ING5: variants seen among roughly 807,000 people sequenced by gnomAD.
ING5 encodes inhibitor of growth family member 5, also known as inhibitor of growth protein 5.
ING5 carries 17 observed loss-of-function variants against 37.4 expected under a neutral mutation model. The observed-to-expected ratio is 0.45, with a 90% CI of 0.31 to 0.68. ING5 has a LOEUF of 0.68. Ranked by LOEUF, ING5 falls within the 30% of genes least tolerant of loss-of-function variation. The probability of loss-of-function intolerance (pLI) is 0.05; values close to 1 mark genes in which losing one functional copy is unlikely to be tolerated. For synonymous variants in ING5, 123 were observed against 116.6 expected, an observed-to-expected ratio of 1.06 and a Z score of -0.36; for missense variants, 233 against 311.9, an observed-to-expected ratio of 0.75 and a Z score of 1.91.
chr2:241,711,958 G>T lies in ING5; in HGVS notation c.389-20G>T. 6.4e-7 allele frequency: 1 copy of T among 1,551,576 alleles called. No individual in the cohort carries two copies. Among genetic ancestry groups the T allele is most frequent in the Non-Finnish European group, 8.7e-7 (1 of 1,150,092 alleles). On this transcript the variant is annotated intron_variant, in intron 4 of 7. Coordinates refer to ENST00000313552, the MANE Select transcript of ING5 (RefSeq NM_032329.6). ...TTAGAGAATTCTATAAAAATAATTT[G>T]CATCTTGATTATTTTTCAGAAGGCC... is the stretch of plus-strand genomic sequence containing the variant.
At chr2:241,690,717 G>A in intron 2 of ING5, 1 of 398,518 alleles carries the variant, frequency 2.5e-6, no homozygotes. Context: ...AGAGATACAG[G>A]TGAAATGGAG....
intron 3 of ING5, 36 bp downstream of exon 3, chr2:241,709,418 A>G: frequency 6.4e-7 from 1 of 1,569,846 alleles, no homozygotes; most frequent in Admixed American, 1.9e-5. Context: ...TCTTCCTCTG[A>G]CCTCTACTCC....
Position 241,725,157 on chromosome 2 carries a change from C to T in ING5, c.*126C>T, listed in dbSNP as rs1691562675. On this transcript the variant is annotated 3_prime_UTR_variant, in exon 8 of 8. Transcript: ENST00000313552. Reference sequence around the variant, plus strand: ...TTAGTAACTCCGTGGCCAGTTGAAGCGCTGGATGTTTCCTAGAACAAGAAC... The same window carrying T: ...TTAGTAACTCCGTGGCCAGTTGAAGTGCTGGATGTTTCCTAGAACAAGAAC... 4.0e-6 allele frequency: 4 copies of T among 1,000,846 alleles called. No homozygotes were observed. The highest frequency in any genetic ancestry group is 1.4e-5 in the South Asian group (1 of 72,048). The allele number at this position is 1,000,846 out of a possible 1,614,324, so 62.0% of individuals were successfully genotyped here.
At chr2:241,719,862 G>A in intron 5 of ING5, 1 of 1,397,244 alleles carries the variant, frequency 7.2e-7, no homozygotes, top group South Asian at 1.7e-5. Context: ...TGCCTGCCGT[G>A]CAGGTCCCAG....
intron 5 of ING5, chr2:241,722,102 C>T (rs1380639565): frequency 5.1e-6 from 5 of 985,120 alleles, no homozygotes; most frequent in South Asian, 4.7e-5. Context: ...TGAGTAGGTG[C>T]GTGGAGGGCC....
At chr2:241,693,623 T>A (rs2069589437) in intron 2 of ING5, among the ~76,000 whole-genome samples, 1 of 150,638 alleles carries the variant, frequency 6.6e-6, no homozygotes, top group South Asian at 2.1e-4. Flanking sequence ...CCTGTTCACA[T>A]TAGAGTTGTT....
chr2:241,720,023 A>T (rs1023342713), intron 5 of ING5: 5 of 1,245,422 alleles, frequency 4.0e-6, no homozygotes, highest in Non-Finnish European at 5.0e-6. Context: ...ACAGGCTGGT[A>T]AGGCCAGCTC....
At chr2:241,709,181 G>A (rs1225841943) in intron 2 of ING5, 35 bp from the exon 3 acceptor site, 1 of 1,590,064 alleles carries the variant, frequency 6.3e-7, no homozygotes, top group African/African-American at 1.3e-5. Flanking sequence ...ATGGTGTCTT[G>A]TGCAGGGCTA....
chr2:241,713,290 T>C (rs1489179534), intron 5 of ING5, among the ~76,000 whole-genome samples: 45 of 151,228 alleles, frequency 3.0e-4, no homozygotes, highest in African/African-American at 7.0e-4. Context: ...ACTCCTGACC[T>C]CAGGTGATCC....
chr2:241,712,128 G>A (rs1330549164), intron 5 of ING5, 57 bp downstream of exon 5: 32 of 1,355,836 alleles, frequency 2.4e-5, no homozygotes, highest in East Asian at 4.9e-5. Context: ...CCTGTATCCC[G>A]GATGTAGGAA....
chr2:241,709,615 T>G (rs1260980131), intron 3 of ING5, among the ~76,000 whole-genome samples: 1 of 151,414 alleles, frequency 6.6e-6, no homozygotes, highest in Non-Finnish European at 1.5e-5. Context: ...AGGAACCATT[T>G]GGGTTTTTTT....
At chr2:241,715,363 T>G (rs1455014160) in intron 5 of ING5, among the ~76,000 whole-genome samples, 1 of 151,872 alleles carries the variant, frequency 6.6e-6, no homozygotes, top group Admixed American at 6.6e-5. Flanking sequence ...CCTGGCTAAT[T>G]TTTTATATTT....
At chr2:241,695,770 A>T (rs937529140) in intron 2 of ING5, among the ~76,000 whole-genome samples, 1 of 152,224 alleles carries the variant, frequency 6.6e-6, no homozygotes, top group Non-Finnish European at 1.5e-5. Context: ...TTGCAGTTCT[A>T]TGTATAGCCA....
chr2:241,689,697 T>C (rs750048552), intron 1 of ING5: 33 of 152,256 alleles, frequency 2.2e-4, no homozygotes, highest in Non-Finnish European at 3.4e-4. Context: ...CGGGATCCTT[T>C]GTTACCACAG....
upstream of ING5, among the ~76,000 whole-genome samples, chr2:241,698,846 A>G (rs1575117110): frequency 6.6e-6 from 1 of 151,742 alleles, no homozygotes; most frequent in Admixed American, 6.6e-5. Context: ...CTCCTGCCTC[A>G]CCTTCCCAAG....
intron 5 of ING5, chr2:241,719,908 C>A (rs1464465375): frequency 6.8e-6 from 9 of 1,320,488 alleles, no homozygotes; most frequent in Non-Finnish European, 7.7e-6. Flanking sequence ...CCGATGGCGA[C>A]AGTTGCGGGG....
intron 7 of ING5, among the ~76,000 whole-genome samples, chr2:241,724,428 T>A (rs1478740897): frequency 6.6e-6 from 1 of 152,196 alleles, no homozygotes; most frequent in African/African-American, 2.4e-5. Flanking sequence ...GGTTGACGGT[T>A]GCCGTCATGC....
chr2:241,690,781 G>A (rs1394294498), intron 2 of ING5: 1 of 395,842 alleles, frequency 2.5e-6, no homozygotes, highest in Non-Finnish European at 4.4e-6. Flanking sequence ...TGGGTTCGTG[G>A]GTTCATTAGG....
rs1017702496 is a variant in ING5 at position 241,705,025 on chromosome 2, G to A, written c.109+301G>A. 5.9e-4 allele frequency among the ~76,000 whole-genome samples: 90 copies of A among 152,002 alleles called. 1 individual carries two copies. Among genetic ancestry groups the A allele is most frequent in the African/African-American group, 2.1e-3 (86 of 41,356 alleles). Reference sequence around the variant, plus strand: ...TTTCAATTTTCAAAGTGTGTAGTGCGTGCATTGTTTTAAAAGTTTGGTAGT... The same window carrying A: ...TTTCAATTTTCAAAGTGTGTAGTGCATGCATTGTTTTAAAAGTTTGGTAGT... On this transcript the variant is annotated intron_variant, in intron 2 of 7. Transcript: ENST00000313552.
Sources: allele counts gnomAD v4.1 joint callset (sites outside exome capture counted in the v4.1 genomes callset), GRCh38; gene constraint gnomAD v4.1.1; transcripts MANE v1.5; gene names NCBI Gene and HGNC (gene_info 2026-07-23, HGNC 2026-07-21).